The following GRIN2A variants were observed in gnomAD, a reference collection of about 807,000 sequenced individuals.
GRIN2A encodes glutamate receptor ionotropic, NMDA 2A.
A neutral mutation model predicts 113.4 loss-of-function variants in GRIN2A; 22 were observed. The ratio of observed to expected loss-of-function variants is 0.19; its 90% CI spans 0.14 to 0.28. GRIN2A has a LOEUF of 0.28. Ranked by LOEUF, GRIN2A falls within the 10% of genes least tolerant of loss-of-function variation. The pLI, the probability that GRIN2A is intolerant of heterozygous loss-of-function variation, is 1.00. For missense variants in GRIN2A, 1,502 were observed against 1,887.0 expected (o/e 0.80, Z 3.78); for synonymous variants, 827 against 738.4 (o/e 1.12, Z -1.94).
intron 10 of GRIN2A, among the ~76,000 whole-genome samples, chr16:9,804,043 C>A (rs1277829105): frequency 6.6e-6 from 1 of 152,170 alleles, no homozygotes; most frequent in Non-Finnish European, 1.5e-5. Context: ...TAAGGGGCTG[C>A]AGTTACCTCC....
At chr16:10,103,196 G>A (rs1393611583) in intron 2 of GRIN2A, among the ~76,000 whole-genome samples, 2 of 152,288 alleles carry the variant, frequency 1.3e-5, no homozygotes, top group South Asian at 2.1e-4. Flanking sequence ...ATGGGAAAAT[G>A]TAAACTTGTC....
chr16:10,005,230 T>C (rs2046385627), intron 2 of GRIN2A, among the ~76,000 whole-genome samples: 1 of 152,192 alleles, frequency 6.6e-6, no homozygotes. Flanking sequence ...AAATAACTAT[T>C]GATATAAAAA....
At chr16:9,811,478 G>A (rs2042085610) in intron 10 of GRIN2A, among the ~76,000 whole-genome samples, 1 of 152,170 alleles carries the variant, frequency 6.6e-6, no homozygotes, top group Admixed American at 6.5e-5. Context: ...CAAGAGGTGG[G>A]CCAGGTGTGG....
intron 2 of GRIN2A, among the ~76,000 whole-genome samples, chr16:10,077,300 T>C (rs528098828): frequency 3.4e-4 from 52 of 152,152 alleles, no homozygotes; most frequent in Non-Finnish European, 1.2e-4. Context: ...AGGGAAAAAA[T>C]ACTAATAGGA....
intron 2 of GRIN2A, among the ~76,000 whole-genome samples, chr16:10,034,170 G>C (rs1019517336): frequency 6.6e-6 from 1 of 152,096 alleles, no homozygotes; most frequent in South Asian, 2.1e-4. Context: ...ATAGACAAAG[G>C]CTTTGTGTTT....
At chr16:9,948,454 C>T (rs2045078038) in intron 2 of GRIN2A, among the ~76,000 whole-genome samples, 1 of 152,192 alleles carries the variant, frequency 6.6e-6, no homozygotes, top group African/African-American at 2.4e-5. Context: ...AGTCACATGG[C>T]ATGCCCAATA....
chr16:9,946,888 T>G (rs111828670), intron 2 of GRIN2A, among the ~76,000 whole-genome samples: 1 of 152,344 alleles, frequency 6.6e-6, no homozygotes, highest in South Asian at 2.1e-4. Context: ...CTGATATCCA[T>G]GTTGAACACC....
At chr16:9,913,888 T>A (rs1458121029) in intron 3 of GRIN2A, among the ~76,000 whole-genome samples, 1 of 152,202 alleles carries the variant, frequency 6.6e-6, no homozygotes, top group Admixed American at 6.5e-5. Context: ...AAATAACATT[T>A]TTTTTTCCAT....
chr16:9,838,641 G>A (rs193230242), intron 7 of GRIN2A, among the ~76,000 whole-genome samples: 46 of 152,212 alleles, frequency 3.0e-4, no homozygotes, highest in African/African-American at 9.4e-4. Flanking sequence ...ACTGTGGACC[G>A]ACAGGTTTAT....
At position 9,968,383 on chromosome 16, in the gene GRIN2A, G is replaced by A. The variant is rs546397300; in HGVS notation, c.415-29832C>T. Among the ~76,000 whole-genome samples the A allele has an allele frequency of 2.0e-5, 3 of 152,248 alleles. No individual in the cohort carries two copies. The South Asian group carries it at 6.2e-4, about 32-fold the overall frequency. ...GGCTGGAGTGCAATGGTACGATCTTGGCTCACTGCAACTTCCGCCTCCCGG... is the reference window on the plus strand; with the variant it reads ...GGCTGGAGTGCAATGGTACGATCTTAGCTCACTGCAACTTCCGCCTCCCGG... On this transcript the variant is annotated intron_variant, in intron 2 of 12. Coordinates refer to ENST00000330684, the MANE Select transcript of GRIN2A (RefSeq NM_001134407.3).
intron 2 of GRIN2A, among the ~76,000 whole-genome samples, chr16:9,976,726 AGCTCCCACCTTT>A (rs1567211713): frequency 6.6e-6 from 1 of 152,204 alleles, no homozygotes; most frequent in Non-Finnish European, 1.5e-5. Context: ...ACAGGCGCAC[AGCTCCCACCTTT>A]AGGAGCCTCA....
chr16:10,035,677 C>A (rs558050114), intron 2 of GRIN2A, among the ~76,000 whole-genome samples: 1 of 146,610 alleles, frequency 6.8e-6, no homozygotes, highest in Non-Finnish European at 1.5e-5. Flanking sequence ...GCTGATGCTG[C>A]TGGTCCAGGG....
chr16:9,814,098 C>A (rs2042141915), intron 10 of GRIN2A, among the ~76,000 whole-genome samples: 1 of 152,194 alleles, frequency 6.6e-6, no homozygotes, highest in Non-Finnish European at 1.5e-5. Context: ...GAACCAGTTT[C>A]TTTTGAGCAT....
intron 2 of GRIN2A, chr16:10,031,555 CAG>C (rs1464116864): frequency 6.6e-6 from 1 of 152,246 alleles, no homozygotes; most frequent in Non-Finnish European, 1.5e-5. Context: ...TGGCACCCAG[CAG>C]AGAGCCCGTA....
At chr16:10,091,907 G>A (rs1001388052) in intron 2 of GRIN2A, among the ~76,000 whole-genome samples, 18 of 152,156 alleles carry the variant, frequency 1.2e-4, no homozygotes, top group African/African-American at 4.3e-4. Flanking sequence ...TTTTTTTAGG[G>A]CTGGTGAAAA....
chr16:9,937,484 C>T (rs562797421), intron 3 of GRIN2A, among the ~76,000 whole-genome samples: 23 of 152,156 alleles, frequency 1.5e-4, no homozygotes, highest in Admixed American at 3.9e-4. Flanking sequence ...AATATATATA[C>T]CTACTATGTA....
Position 10,160,100 on chromosome 16 carries a change from G to C in GRIN2A, c.414+19898C>G, listed in dbSNP as rs147210869. Reference sequence around the variant, plus strand: ...TTCTGCCCTCCAGGGCTGTAAGAGGGTAAAAGTGCGTTTCCTTCAGCCACC... The same window carrying C: ...TTCTGCCCTCCAGGGCTGTAAGAGGCTAAAAGTGCGTTTCCTTCAGCCACC... On this transcript the variant is annotated intron_variant, in intron 2 of 12. Coordinates refer to ENST00000330684, the MANE Select transcript of GRIN2A (RefSeq NM_001134407.3). 3.3e-3 allele frequency among the ~76,000 whole-genome samples: 497 copies of C among 152,318 alleles called. 3 individuals carry two copies. The highest frequency in any genetic ancestry group is 0.01 in the Middle Eastern group (3 of 294).
At position 10,160,669 on chromosome 16, in the gene GRIN2A, G is replaced by A. The variant is rs190362752; in HGVS notation, c.414+19329C>T. ...GCTGTTTTAATGAATTCTTCTAACC[G>A]GTTGCACCGCCCCAAATTGACCGTA... On this transcript the variant is annotated intron_variant, in intron 2 of 12. Coordinates refer to ENST00000330684, the MANE Select transcript of GRIN2A (RefSeq NM_001134407.3). Among the ~76,000 whole-genome samples the A allele has an allele frequency of 1.9e-3, 296 of 152,298 alleles. 2 individuals carry two copies. The highest frequency in any genetic ancestry group is 6.8e-3 in the African/African-American group (284 of 41,572).
At chr16:10,143,770 G>C (rs1200123113) in intron 2 of GRIN2A, among the ~76,000 whole-genome samples, 1 of 152,044 alleles carries the variant, frequency 6.6e-6, no homozygotes, top group East Asian at 1.9e-4. Flanking sequence ...TTTGAGACCA[G>C]CCTGGGCAAA....
Sources: gnomAD v4.1 joint callset for allele counts (sites outside exome capture counted in the v4.1 genomes callset) on GRCh38, gnomAD v4.1.1 for gene constraint, MANE v1.5 for transcripts, NCBI Gene and HGNC (gene_info 2026-07-23, HGNC 2026-07-21) for gene names.